Variants in ARHGEF12 observed in about 807,000 individuals in gnomAD.
The protein encoded by ARHGEF12 is KMT2A/ARHGEF12 fusion protein.
Under a neutral mutation model 211.2 loss-of-function variants are expected in ARHGEF12, and 66 were observed. The ratio of observed to expected loss-of-function variants is 0.31; its 90% CI spans 0.26 to 0.38. ARHGEF12 has a LOEUF of 0.38. Ranked by LOEUF, ARHGEF12 falls within the 10% of genes least tolerant of loss-of-function variation. The pLI is 1.00. For synonymous variants in ARHGEF12, 592 were observed against 638.4 expected, an observed-to-expected ratio of 0.93 and a Z score of 1.09; for missense variants, 1,429 against 1,869.5, an observed-to-expected ratio of 0.76 and a Z score of 4.34.
intron 1 of ARHGEF12, among the ~76,000 whole-genome samples, chr11:120,395,056 C>G (rs1456419490): frequency 2.9e-5 from 1 of 34,588 alleles, no homozygotes; most frequent in Non-Finnish European, 6.3e-5. Context: ...GACTCTATCT[C>G]AAAAAAAAAA....
chr11:120,415,176 T>G (rs752184173), intron 4 of ARHGEF12, among the ~76,000 whole-genome samples: 15 of 151,516 alleles, frequency 9.9e-5, no homozygotes, highest in Admixed American at 2.0e-4. Flanking sequence ...GGTTTTTGGG[T>G]TTTTTTTTAA....
chr11:120,354,695 C>T (rs574110016), intron 1 of ARHGEF12, among the ~76,000 whole-genome samples: 1 of 152,158 alleles, frequency 6.6e-6, no homozygotes, highest in East Asian at 1.9e-4. Flanking sequence ...GTAGGCAGAT[C>T]ATTGGTTTAA....
intron 15 of ARHGEF12, among the ~76,000 whole-genome samples, chr11:120,445,006 G>C (rs904306654): frequency 1.8e-4 from 27 of 152,012 alleles, no homozygotes; most frequent in Admixed American, 1.3e-4. Flanking sequence ...TCAAATATAG[G>C]AAAGAAAAAT....
intron 1 of ARHGEF12, among the ~76,000 whole-genome samples, chr11:120,383,678 G>T (rs1188420482): frequency 2.0e-5 from 3 of 152,120 alleles, no homozygotes; most frequent in East Asian, 3.9e-4. Flanking sequence ...GTGGTAATGC[G>T]AGTGATGGGG....
At chr11:120,362,024 A>G (rs547433793) in intron 1 of ARHGEF12, among the ~76,000 whole-genome samples, 2 of 152,342 alleles carry the variant, frequency 1.3e-5, no homozygotes, top group African/African-American at 2.4e-5. Context: ...TTGAACTGTA[A>G]TGACTAACAA....
At position 120,347,154 on chromosome 11, in the gene ARHGEF12, TCCTTCCTTC is replaced by T. The variant is rs1565416972; in HGVS notation, c.32+9881_32+9889del. Among the ~76,000 whole-genome samples the T allele has an allele frequency of 7.0e-3, 721 of 102,876 alleles. 47 individuals are homozygous for T. The South Asian group carries it at 0.094, about 13-fold the overall frequency. The allele number at this position is 102,876 out of a possible 152,430, so 67.5% of individuals were successfully genotyped here. A position where few individuals can be genotyped will look rare whatever the true frequency, so the allele number is the denominator to read the frequency against. On this transcript the variant is annotated intron_variant, in intron 1 of 40. Transcript: ENST00000397843. ...TTCTTTCCTTCCTTCCTTCCTTCCTTCCTTCCTTCCTTCCTTCCTTCCTTCCTTCCTTTC... is the reference window on the plus strand; with the variant it reads ...TTCTTTCCTTCCTTCCTTCCTTCCTTCTTCCTTCCTTCCTTCCTTCCTTTC...
chr11:120,422,784 T>C (rs1422347974), intron 6 of ARHGEF12, among the ~76,000 whole-genome samples: 1 of 152,154 alleles, frequency 6.6e-6, no homozygotes, highest in Non-Finnish European at 1.5e-5. Context: ...ACATGTTATA[T>C]GTATGTGTAT....
In ARHGEF12 at chr11:120,444,406, T is replaced by G. The variant is rs941917878; in HGVS notation, c.1303-1016T>G. On this transcript the variant is annotated intron_variant, in intron 15 of 40. Transcript: ENST00000397843. ...TTATACTTTTATGCTACAGCTCACATTTATTTCATATATACACCATCATAC... is the reference window on the plus strand; with the variant it reads ...TTATACTTTTATGCTACAGCTCACAGTTATTTCATATATACACCATCATAC... 3.4e-4 allele frequency among the ~76,000 whole-genome samples: 52 copies of G among 152,336 alleles called. No individual in the cohort carries two copies. In the Middle Eastern group the frequency reaches 0.02, roughly 60 times the overall value.
chr11:120,381,602 C>T (rs151046779), intron 1 of ARHGEF12, among the ~76,000 whole-genome samples: 15 of 152,258 alleles, frequency 9.9e-5, no homozygotes, highest in African/African-American at 3.4e-4. Flanking sequence ...TTTCATTTGT[C>T]GCAATCCACA....
At position 120,406,801 on chromosome 11, in the gene ARHGEF12, G is replaced by T. The variant is rs550293617; in HGVS notation, c.56+660G>T. 2.4e-3 allele frequency among the ~76,000 whole-genome samples: 372 copies of T among 152,120 alleles called. 1 individual carries two copies. Among genetic ancestry groups the T allele is most frequent in the African/African-American group, 8.7e-3 (363 of 41,536 alleles). On this transcript the variant is annotated intron_variant, in intron 2 of 40. Transcript: ENST00000397843. ...TCTGGATCTCCTGACCTCGTGATTC[G>T]CCCGCCTCAGGCTCCGAAAGTGCTG...
At chr11:120,451,751 A>G (rs762380936) in intron 22 of ARHGEF12, 27 bp downstream of exon 22, 1 of 1,590,428 alleles carries the variant, frequency 6.3e-7, no homozygotes, top group East Asian at 2.2e-5. Flanking sequence ...GTTCAGCTTA[A>G]CTAAGCATCA....
chr11:120,473,813 A>G (rs1946947733), intron 31 of ARHGEF12, among the ~76,000 whole-genome samples: 1 of 152,230 alleles, frequency 6.6e-6, no homozygotes, highest in South Asian at 2.1e-4. Context: ...AGTTGGAACC[A>G]TTACAGGAAC....
chr11:120,407,680 A>T (rs1025130907), intron 2 of ARHGEF12, 58 bp from the exon 3 acceptor site: 9 of 1,366,964 alleles, frequency 6.6e-6, no homozygotes, highest in African/African-American at 4.3e-5. Flanking sequence ...AGAATTTTAA[A>T]TTTTTTATTC....
chr11:120,366,455 C>A (rs1450370501), intron 1 of ARHGEF12, among the ~76,000 whole-genome samples: 4 of 152,118 alleles, frequency 2.6e-5, no homozygotes, highest in Non-Finnish European at 2.9e-5. Flanking sequence ...ACCAACCCTG[C>A]CCTTAAGTTA....
intron 1 of ARHGEF12, among the ~76,000 whole-genome samples, chr11:120,391,094 T>C (rs928125741): frequency 1.6e-4 from 25 of 152,286 alleles, no homozygotes; most frequent in African/African-American, 6.0e-4. Flanking sequence ...GACTACCAAA[T>C]GTAGTTTGAG....
intron 18 of ARHGEF12, chr11:120,447,299 GTAACTCTAAAACTTC>G (rs1946074946): frequency 2.2e-6 from 1 of 461,238 alleles, no homozygotes; most frequent in African/African-American, 2.0e-5. Context: ...TGGTAAATGG[GTAACTCTAAAACTTC>G]TAATCAGTGA....
At chr11:120,406,021 T>G (rs1944692877) in intron 1 of ARHGEF12, 97 bp from the exon 2 acceptor site, 15 of 926,192 alleles carry the variant, frequency 1.6e-5, no homozygotes, top group Non-Finnish European at 2.3e-5. Context: ...CCATAAGATT[T>G]AAATCTCTTA....
chr11:120,396,408 A>ATGGC (rs1328016483), intron 1 of ARHGEF12, among the ~76,000 whole-genome samples: 4 of 152,176 alleles, frequency 2.6e-5, no homozygotes, highest in Non-Finnish European at 5.9e-5. Flanking sequence ...GAAAAATAAT[A>ATGGC]ACTTTACAGG....
chr11:120,412,981 C>T (rs1036574688), intron 4 of ARHGEF12, among the ~76,000 whole-genome samples: 5 of 152,136 alleles, frequency 3.3e-5, no homozygotes, highest in Admixed American at 1.3e-4. Context: ...ATAATAGATT[C>T]GTAACTTACT....
Sources: gnomAD v4.1 joint callset for allele counts (sites outside exome capture counted in the v4.1 genomes callset) on GRCh38, gnomAD v4.1.1 for gene constraint, MANE v1.5 for transcripts, NCBI Gene and HGNC (gene_info 2026-07-23, HGNC 2026-07-21) for gene names.